Variants in ZNF782 observed in about 807,000 individuals in gnomAD.
The protein encoded by ZNF782 is zinc finger protein 782.
ZNF782 carries 12 observed loss-of-function variants against 13.0 expected under a neutral mutation model. That is an observed-to-expected ratio of 0.92 (90% confidence interval 0.59 to 1.50). The LOEUF (loss-of-function observed/expected upper bound fraction) is 1.50, where lower values mean the gene tolerates loss of function less well. ZNF782 is among the 40% of genes most tolerant of loss of function. ZNF782 has a pLI of 0.00. For synonymous variants in ZNF782, 284 were observed against 283.0 expected, an observed-to-expected ratio of 1.00 and a Z score of -0.04; for missense variants, 770 against 822.9, an observed-to-expected ratio of 0.94 and a Z score of 0.79.
chr9:96,897,018 T>C, the ZNF782 span, among the ~76,000 whole-genome samples: 4 of 152,198 alleles, frequency 2.6e-5, no homozygotes, highest in Non-Finnish European at 5.9e-5. Context: ...CCATCATACA[T>C]TGGGCATTGT....
upstream of ZNF782, among the ~76,000 whole-genome samples, chr9:96,859,110 T>C (rs1389396881): frequency 6.6e-6 from 1 of 152,180 alleles, no homozygotes; most frequent in African/African-American, 2.4e-5. Context: ...GGGAATTGTT[T>C]ATCCCAGTGG....
intron 4 of ZNF782, among the ~76,000 whole-genome samples, chr9:96,832,194 C>A (rs181987934): frequency 6.6e-6 from 1 of 152,066 alleles, no homozygotes; most frequent in Admixed American, 6.5e-5. Flanking sequence ...ACACATATTA[C>A]CACAGTTCAC....
chr9:96,864,993 C>T (rs1354133607), intron 1 of ZNF782, among the ~76,000 whole-genome samples: 1 of 151,830 alleles, frequency 6.6e-6, no homozygotes, highest in Non-Finnish European at 1.5e-5. Flanking sequence ...CTGCTGTGAG[C>T]TAGGATCATG....
In ZNF782 at chr9:96,817,649, G is replaced by T; in HGVS notation, c.*274C>A. 3.3e-6 allele frequency: 1 copy of T among 299,652 alleles called. No homozygotes were observed. Among genetic ancestry groups the T allele is most frequent in the Non-Finnish European group, 6.1e-6 (1 of 164,340 alleles). The allele number at this position is 299,652 out of a possible 1,614,324, so 18.6% of individuals were successfully genotyped here. A position where few individuals can be genotyped will look rare whatever the true frequency, so the allele number is the denominator to read the frequency against. On this transcript the variant is annotated 3_prime_UTR_variant, in exon 6 of 6. Transcript: ENST00000481138. ...CGTGAGTTTTCTGAGGAGTGAGTTCGCAAGAGTATTTTCCATATTCATTAT... is the reference window on the plus strand; with the variant it reads ...CGTGAGTTTTCTGAGGAGTGAGTTCTCAAGAGTATTTTCCATATTCATTAT...
Position 96,845,002 on chromosome 9 carries a change from G to A in ZNF782, c.30C>T (p.Phe10=), listed in dbSNP as rs564902199. The A allele has an allele frequency of 2.0e-5, 33 of 1,613,990 alleles. No homozygotes were observed. The African/African-American group carries it at 4.1e-4, about 20-fold the overall frequency. Residue 10 remains phenylalanine (F), a synonymous_variant, in exon 4 of 6, where the codon TTC becomes TTT. Transcript: ENST00000481138. ...GGCTGAATTCCACAGTCACGTCCTG[G>A]AATGACACTGATGCCTGTAACAGCG... MNTFQASVS[F]QDVTVEFSQE...
the ZNF782 span, chr9:96,890,225 T>G: frequency 6.6e-6 from 1 of 152,494 alleles, no homozygotes; most frequent in Non-Finnish European, 1.5e-5. Context: ...GATGAAGTGC[T>G]GATGACGCTC....
At chr9:96,866,401 C>T (rs1034598300) in intron 1 of ZNF782, among the ~76,000 whole-genome samples, 16 of 152,096 alleles carry the variant, frequency 1.1e-4, no homozygotes, top group African/African-American at 2.7e-4. Context: ...TATGTGGTGT[C>T]GAGCCTGCAG....
At chr9:96,861,317 G>A (rs1052803704) in intron 2 of ZNF782, among the ~76,000 whole-genome samples, 4 of 152,082 alleles carry the variant, frequency 2.6e-5, no homozygotes, top group Non-Finnish European at 5.9e-5. Context: ...CCACAGAATG[G>A]GGGAAGATAT....
At chr9:96,834,180 C>T (rs944587588) in intron 4 of ZNF782, among the ~76,000 whole-genome samples, 1 of 152,288 alleles carries the variant, frequency 6.6e-6, no homozygotes, top group Non-Finnish European at 1.5e-5. Context: ...CGTCATGGGA[C>T]GGACCAGGTG....
At chr9:96,879,260 G>A (rs1199502083), upstream of ZNF782, among the ~76,000 whole-genome samples, 1 of 152,142 alleles carries the variant, frequency 6.6e-6, no homozygotes, top group Non-Finnish European at 1.5e-5. Context: ...AGGCTTAGGC[G>A]GGCAGATCAC....
the ZNF782 span, among the ~76,000 whole-genome samples, chr9:96,886,921 C>CG: frequency 8.9e-6 from 1 of 112,656 alleles, no homozygotes; most frequent in African/African-American, 4.1e-5. Context: ...AACTCCCTCT[C>CG]GAAAAAAAAA....
the ZNF782 span, chr9:96,894,307 C>G: frequency 6.6e-6 from 1 of 151,868 alleles, no homozygotes; most frequent in Non-Finnish European, 1.5e-5. Context: ...CAAACCTGCA[C>G]GTTGTGCACA....
At position 96,819,423 on chromosome 9, in the gene ZNF782, C is replaced by A; in HGVS notation, c.600G>T (p.Glu200Asp). 6.2e-7 allele frequency: 1 copy of A among 1,611,890 alleles called. No individual in the cohort carries two copies. The highest frequency in any genetic ancestry group is 8.5e-7 in the Non-Finnish European group (1 of 1,179,514). ...SKIVKTLHHK[E>D]EVIQHQTIQT... Reference sequence around the variant, plus strand: ...GAATTGTCTGATGTTGAATAACTTCCTCCTTATGATGGAGGGTTTTCACAA... The same window carrying A: ...GAATTGTCTGATGTTGAATAACTTCATCCTTATGATGGAGGGTTTTCACAA... Residue 200 changes from glutamate to aspartate, a missense_variant, in exon 6 of 6, where the codon GAG becomes GAT. Transcript: ENST00000481138.
At chr9:96,854,986 A>G (rs1465967438), upstream of ZNF782, among the ~76,000 whole-genome samples, 1 of 152,088 alleles carries the variant, frequency 6.6e-6, no homozygotes, top group Non-Finnish European at 1.5e-5. Context: ...TTACTTTACA[A>G]TTTTATACAT....
At chr9:96,916,852 C>T in the ZNF782 span, among the ~76,000 whole-genome samples, 1 of 132,348 alleles carries the variant, frequency 7.6e-6, no homozygotes, top group Non-Finnish European at 1.6e-5. Context: ...GGCCGGCTAC[C>T]TGTTGTCAGG....
chr9:96,818,611 G>A lies in ZNF782; in HGVS notation c.1412C>T (p.Thr471Ile), dbSNP rs561080149. The A allele has an allele frequency of 6.2e-7, 1 of 1,613,382 alleles. No individual in the cohort carries two copies. The highest frequency in any genetic ancestry group is 2.2e-5 in the East Asian group (1 of 44,832). ...TTCAAAAGGTTTCTCCCCTGTGTGA[G>A]TTCTCTGATGCACTATGAGGATTGA... is the stretch of plus-strand genomic sequence containing the variant. ...YKSILIVHQR[T>I]HTGEKPFECN... The change falls in exon 6 of 6, where the codon ACT becomes ATT. Residue 471 changes from threonine (T) to isoleucine (I), a missense_variant. Transcript: ENST00000481138.
upstream of ZNF782, among the ~76,000 whole-genome samples, chr9:96,876,943 CAAAAAAAAAAAAAAAAAAA>C (rs398011569): frequency 2.3e-5 from 1 of 42,802 alleles, no homozygotes; most frequent in Non-Finnish European, 4.0e-5. Context: ...AACTCCGACT[CAAAAAAAAAAAAAAAAAAA>C]AAAAAAAAAA....
At chr9:96,860,935 A>G (rs1469789417) in intron 2 of ZNF782, among the ~76,000 whole-genome samples, 2 of 152,244 alleles carry the variant, frequency 1.3e-5, no homozygotes, top group African/African-American at 2.4e-5. Flanking sequence ...ATGCAAACAT[A>G]AAATCAAAGT....
upstream of ZNF782, among the ~76,000 whole-genome samples, chr9:96,878,010 G>T (rs1253952755): frequency 1.3e-5 from 2 of 152,114 alleles, no homozygotes; most frequent in African/African-American, 2.4e-5. Context: ...TGGCAACTTG[G>T]CAACTTGTTA....
Sources: allele counts gnomAD v4.1 joint callset (sites outside exome capture counted in the v4.1 genomes callset), GRCh38; gene constraint gnomAD v4.1.1; transcripts MANE v1.5; gene names NCBI Gene and HGNC (gene_info 2026-07-23, HGNC 2026-07-21).